CDYL2: variants seen among roughly 807,000 people sequenced by gnomAD.
CDYL2 encodes chromodomain Y like 2, also known as chromodomain Y-like protein 2.
A neutral mutation model predicts 49.4 loss-of-function variants in CDYL2; 23 were observed. The ratio of observed to expected loss-of-function variants is 0.47; its 90% CI spans 0.34 to 0.66. The LOEUF is 0.66. Ranked by LOEUF, CDYL2 falls within the 30% of genes least tolerant of loss-of-function variation. The pLI, the probability that CDYL2 is intolerant of heterozygous loss-of-function variation, is 0.01. For missense variants in CDYL2, 678 were observed against 656.4 expected, an observed-to-expected ratio of 1.03 and a Z score of -0.36; for synonymous variants, 360 against 268.8, an observed-to-expected ratio of 1.34 and a Z score of -3.32.
chr16:80,602,081 GC>G lies in CDYL2; in HGVS notation c.*2306del, dbSNP rs1906113389. On this transcript the variant is annotated 3_prime_UTR_variant, in exon 7 of 7. Coordinates refer to ENST00000570137, the MANE Select transcript of CDYL2 (RefSeq NM_152342.4). ...TCAGAAGTTCAACAGAAAAGAGGGG[GC>G]TCTTTCTAATGAAAATTTAGCAGTA... 1 of 152,180 alleles carries G rather than the reference GC, an allele frequency of 6.6e-6. No individual in the cohort carries two copies. Among genetic ancestry groups the G allele is most frequent in the Non-Finnish European group, 1.5e-5 (1 of 68,034 alleles). The allele number at this position is 152,180 out of a possible 1,614,324, so 9.4% of individuals were successfully genotyped here. A position where few individuals can be genotyped will look rare whatever the true frequency, so the allele number is the denominator to read the frequency against.
At chr16:80,638,817 C>T (rs1318399487) in intron 2 of CDYL2, among the ~76,000 whole-genome samples, 1 of 152,014 alleles carries the variant, frequency 6.6e-6, no homozygotes, top group Admixed American at 6.6e-5. Context: ...CTGTACTTTG[C>T]AAACAAAAAT....
intron 1 of CDYL2, among the ~76,000 whole-genome samples, chr16:80,697,381 A>T (rs58525078): frequency 0.053 from 8,115 of 152,218 alleles, 288 homozygotes; most frequent in African/African-American, 0.1. Flanking sequence ...TCTCATCATG[A>T]TAAAAACTCT....
chr16:80,629,826 T>C (rs888168974), intron 3 of CDYL2, among the ~76,000 whole-genome samples: 1 of 152,206 alleles, frequency 6.6e-6, no homozygotes, highest in African/African-American at 2.4e-5. Flanking sequence ...AGCAAGGCAA[T>C]GTCTGCTGGT....
chr16:80,629,104 C>G (rs1907435694), intron 3 of CDYL2, among the ~76,000 whole-genome samples: 1 of 152,140 alleles, frequency 6.6e-6, no homozygotes, highest in Non-Finnish European at 1.5e-5. Flanking sequence ...CGGGACTGCA[C>G]CACGCTGAGG....
chr16:80,745,729 A>G (rs1905905961), intron 1 of CDYL2, among the ~76,000 whole-genome samples: 1 of 152,176 alleles, frequency 6.6e-6, no homozygotes, highest in Admixed American at 6.5e-5. Context: ...TGGTAGCAAA[A>G]TACCACAATG....
intron 3 of CDYL2, among the ~76,000 whole-genome samples, chr16:80,630,638 T>C (rs1327107190): frequency 6.6e-6 from 1 of 152,014 alleles, no homozygotes; most frequent in Admixed American, 6.6e-5. Flanking sequence ...GATGCTTCTG[T>C]TACAGGCGGA....
chr16:80,745,785 A>T (rs1905907980), intron 1 of CDYL2, among the ~76,000 whole-genome samples: 2 of 152,150 alleles, frequency 1.3e-5, no homozygotes, highest in South Asian at 4.2e-4. Flanking sequence ...GAGTCAATTC[A>T]ATCCTCCCTA....
intron 2 of CDYL2, among the ~76,000 whole-genome samples, chr16:80,667,959 C>G (rs950744336): frequency 6.6e-6 from 1 of 152,194 alleles, no homozygotes; most frequent in African/African-American, 2.4e-5. Flanking sequence ...GGATGGCACC[C>G]GGGCAATGCC....
chr16:80,761,562 C>G (rs1289950217), intron 1 of CDYL2, among the ~76,000 whole-genome samples: 2 of 152,102 alleles, frequency 1.3e-5, no homozygotes, highest in African/African-American at 2.4e-5. Flanking sequence ...CCCTGTAGAT[C>G]AGAATCACCT....
At chr16:80,661,167 T>A (rs918556845) in intron 2 of CDYL2, among the ~76,000 whole-genome samples, 2 of 152,158 alleles carry the variant, frequency 1.3e-5, no homozygotes, top group Non-Finnish European at 2.9e-5. Flanking sequence ...CACATTCCCT[T>A]CAGGCCTGGA....
intron 4 of CDYL2, among the ~76,000 whole-genome samples, chr16:80,616,021 C>A (rs1906812341): frequency 6.6e-6 from 1 of 152,206 alleles, no homozygotes; most frequent in African/African-American, 2.4e-5. Context: ...ACATCCAAGG[C>A]CATCAGGCTG....
chr16:80,764,150 A>G (rs1455792466), intron 1 of CDYL2, among the ~76,000 whole-genome samples: 1 of 152,220 alleles, frequency 6.6e-6, no homozygotes, highest in Non-Finnish European at 1.5e-5. Flanking sequence ...AGCAGATAAT[A>G]AAGTGGCTAG....
intron 4 of CDYL2, among the ~76,000 whole-genome samples, chr16:80,619,170 C>T (rs1057258241): frequency 4.6e-5 from 7 of 152,174 alleles, no homozygotes; most frequent in Non-Finnish European, 8.8e-5. Flanking sequence ...TCTGTGTCCC[C>T]TCTTATGAAA....
At chr16:80,665,445 T>C (rs1357620747) in intron 2 of CDYL2, among the ~76,000 whole-genome samples, 1 of 151,210 alleles carries the variant, frequency 6.6e-6, no homozygotes, top group Non-Finnish European at 1.5e-5. Context: ...TGACCAGTTG[T>C]TTCTCATTCA....
intron 2 of CDYL2, among the ~76,000 whole-genome samples, chr16:80,635,598 T>C (rs1016648031): frequency 6.6e-6 from 1 of 152,128 alleles, no homozygotes; most frequent in Non-Finnish European, 1.5e-5. Context: ...TCCATGCTCA[T>C]GGAAAGGAAG....
chr16:80,644,541 T>C (rs1908248396), intron 2 of CDYL2, among the ~76,000 whole-genome samples: 1 of 152,180 alleles, frequency 6.6e-6, no homozygotes, highest in African/African-American at 2.4e-5. Context: ...GACTTAACAG[T>C]TCCACATAGC....
At chr16:80,714,987 G>C (rs371466351) in intron 1 of CDYL2, among the ~76,000 whole-genome samples, 1 of 152,072 alleles carries the variant, frequency 6.6e-6, no homozygotes, top group African/African-American at 2.4e-5. Context: ...GAGTCACTAA[G>C]GATCAGAGAC....
intron 2 of CDYL2, among the ~76,000 whole-genome samples, chr16:80,638,482 T>C (rs1294656710): frequency 6.6e-6 from 1 of 152,178 alleles, no homozygotes; most frequent in Non-Finnish European, 1.5e-5. Context: ...GGCAAACTGA[T>C]TCTAAACTTT....
chr16:80,635,173 C>A (rs1208457563), intron 2 of CDYL2, among the ~76,000 whole-genome samples: 2 of 152,158 alleles, frequency 1.3e-5, no homozygotes, highest in Non-Finnish European at 2.9e-5. Context: ...CAATGTGATC[C>A]ACCACATCAA....
Sources: gnomAD v4.1 joint callset for allele counts (sites outside exome capture counted in the v4.1 genomes callset) on GRCh38, gnomAD v4.1.1 for gene constraint, MANE v1.5 for transcripts, NCBI Gene and HGNC (gene_info 2026-07-23, HGNC 2026-07-21) for gene names.